Variants in PRDM7 observed in about 807,000 individuals in gnomAD.
PRDM7 encodes PR/SET domain 7.
In PRDM7, 52 loss-of-function variants were observed where a neutral mutation model predicts 64.3. The observed-to-expected ratio is 0.81, with a 90% CI of 0.65 to 1.02. PRDM7 has a LOEUF of 1.02. PRDM7 is among the 50% of genes least tolerant of loss of function. The pLI, the probability that PRDM7 is intolerant of heterozygous loss-of-function variation, is 0.00. For missense variants in PRDM7, 574 were observed against 597.1 expected (o/e 0.96, Z 0.40); for synonymous variants, 192 against 210.1 (o/e 0.91, Z 0.74).
intron 4 of PRDM7, among the ~76,000 whole-genome samples, chr16:90,067,752 A>C (rs2037899468): frequency 1.3e-5 from 2 of 150,418 alleles, no homozygotes; most frequent in African/African-American, 2.5e-5. Context: ...CACCACGCCC[A>C]GCTAATTTTT....
At chr16:90,063,907 A>T in intron 5 of PRDM7, 139 bp from the exon 6 acceptor site, 1 of 1,121,464 alleles carries the variant, frequency 8.9e-7, no homozygotes, top group Non-Finnish European at 1.3e-6. Context: ...GAGGGAAAAG[A>T]CAAGGTCTAA....
intron 10 of PRDM7, among the ~76,000 whole-genome samples, chr16:90,060,041 G>C (rs1339055496): frequency 6.6e-6 from 1 of 152,214 alleles, no homozygotes; most frequent in Admixed American, 6.5e-5. Flanking sequence ...ACCTTGTTGG[G>C]AGAGCTGGTA....
Position 90,058,277 on chromosome 16 carries a change from A to G in PRDM7, c.*12T>C, listed in dbSNP as rs766400590. The G allele has an allele frequency of 9.9e-6, 16 of 1,614,102 alleles. No individual in the cohort carries two copies. In the Admixed American group the frequency reaches 2.2e-4, roughly 22 times the overall value. ...AAGGCCCTTGAAATCTCCCTCTGCC[A>G]TGTCCTTTTATTCAAGAGTTTGGAC... On this transcript the variant is annotated 3_prime_UTR_variant, in exon 11 of 11. Transcript: ENST00000449207.
chr16:90,073,239 A>G (rs745350548), intron 4 of PRDM7, among the ~76,000 whole-genome samples: 16 of 152,128 alleles, frequency 1.1e-4, no homozygotes, highest in Non-Finnish European at 2.1e-4. Flanking sequence ...TCTTTACTTA[A>G]TATTATTTCT....
intron 4 of PRDM7, among the ~76,000 whole-genome samples, chr16:90,073,651 G>A (rs1036326663): frequency 2.0e-5 from 3 of 151,544 alleles, no homozygotes; most frequent in African/African-American, 7.3e-5. Flanking sequence ...CGCCTGCCTC[G>A]GCCTCCCAAA....
At chr16:90,061,627 A>G in intron 8 of PRDM7, 108 bp from the exon 9 acceptor site, 1 of 1,332,970 alleles carries the variant, frequency 7.5e-7, no homozygotes, top group Non-Finnish European at 1.1e-6. Flanking sequence ...TTCAACTGCC[A>G]ACTGAGACCA....
intron 5 of PRDM7, 71 bp downstream of exon 5, chr16:90,066,790 T>C: frequency 7.3e-7 from 1 of 1,374,084 alleles, no homozygotes; most frequent in Admixed American, 1.7e-5. Flanking sequence ...AGTCTGTACA[T>C]TCTCCTTCTC....
chr16:90,067,412 T>C (rs2151309982), intron 4 of PRDM7, among the ~76,000 whole-genome samples: 1 of 151,132 alleles, frequency 6.6e-6, no homozygotes, highest in Non-Finnish European at 1.5e-5. Flanking sequence ...TTTCTTAAGA[T>C]TTAAAAAAAT....
At chr16:90,069,566 A>C (rs963261031) in intron 4 of PRDM7, among the ~76,000 whole-genome samples, 2 of 151,310 alleles carry the variant, frequency 1.3e-5, no homozygotes, top group Middle Eastern at 3.2e-3. Context: ...CACAGTGTCA[A>C]GGCATCCTAC....
chr16:90,063,292 GC>G (rs2037813266), intron 6 of PRDM7, among the ~76,000 whole-genome samples: 1 of 152,068 alleles, frequency 6.6e-6, no homozygotes, highest in Non-Finnish European at 1.5e-5. Flanking sequence ...CTAAAAATCA[GC>G]CGGGCACGGT....
chr16:90,063,018 AC>A lies in PRDM7; in HGVS notation c.509-517del, dbSNP rs529100335. Among the ~76,000 whole-genome samples, 12 of 152,366 alleles carry A rather than the reference AC, an allele frequency of 7.9e-5. No individual in the cohort carries two copies. The East Asian group carries it at 2.3e-3, about 29-fold the overall frequency. On this transcript the variant is annotated intron_variant, in intron 6 of 10. Coordinates refer to ENST00000449207, the MANE Select transcript of PRDM7 (RefSeq NM_001098173.2). ...TTCAAACAATACATGAGCTCTATAT[AC>A]TTGGTCTCATTTTACAGATTACCAT...
In PRDM7 at chr16:90,074,806, G is replaced by A. The variant is rs1463672375; in HGVS notation, c.301+110C>T. ...AGGCAGGAGAATCGCTTGAACCTGGGAGGCAGAGGTTGCCGTGAGCCAAGA... is the reference window on the plus strand; with the variant it reads ...AGGCAGGAGAATCGCTTGAACCTGGAAGGCAGAGGTTGCCGTGAGCCAAGA... On this transcript the variant is annotated intron_variant, in intron 4 of 10. Coordinates refer to ENST00000449207, the MANE Select transcript of PRDM7 (RefSeq NM_001098173.2). 5 of 1,058,104 alleles carry A rather than the reference G, an allele frequency of 4.7e-6. No individual in the cohort carries two copies. The African/African-American group carries it at 6.3e-5, about 13-fold the overall frequency. The allele number at this position is 1,058,104 out of a possible 1,614,324, so 65.5% of individuals were successfully genotyped here.
At chr16:90,059,261 G>A (rs1597680734) in intron 10 of PRDM7, among the ~76,000 whole-genome samples, 1 of 152,214 alleles carries the variant, frequency 6.6e-6, no homozygotes, top group Non-Finnish European at 1.5e-5. Flanking sequence ...TTCTGTTTCA[G>A]ATTCCACAAA....
chr16:90,072,437 G>A (rs540518001), intron 4 of PRDM7, among the ~76,000 whole-genome samples: 2 of 152,272 alleles, frequency 1.3e-5, no homozygotes, highest in African/African-American at 4.8e-5. Flanking sequence ...TGTGACATGG[G>A]TGAATCTTGG....
chr16:90,067,013 G>A (rs2037885519), intron 4 of PRDM7, 103 bp from the exon 5 acceptor site: 1 of 932,336 alleles, frequency 1.1e-6, no homozygotes, highest in South Asian at 1.3e-5. Flanking sequence ...CGCCCAGGCT[G>A]GAGTGCAGTG....
At chr16:90,058,697 C>T (rs1351526563) in intron 10 of PRDM7, among the ~76,000 whole-genome samples, 163 bp from the exon 11 acceptor site, 4 of 152,146 alleles carry the variant, frequency 2.6e-5, no homozygotes. Flanking sequence ...TTTTCCATTC[C>T]ACTTTTATTC....
rs780678724 is a variant in PRDM7 at position 90,075,859 on chromosome 16, TTCTC to T, written c.48_51del (p.Arg17GlnfsTer37). 5 of 1,613,924 alleles carry T rather than the reference TTCTC, an allele frequency of 3.1e-6. No individual in the cohort carries two copies. Among genetic ancestry groups the T allele is most frequent in the Non-Finnish European group, 4.2e-6 (5 of 1,179,982 alleles). ...CTTCTCACCATGGGCTTCCGCTCTG[TTCTC>T]TCTGTGTCTCCTTCTGGGCTCTCCT... On this transcript the variant is annotated frameshift_variant, in exon 2 of 11. Coordinates refer to ENST00000449207, the MANE Select transcript of PRDM7 (RefSeq NM_001098173.2). LOFTEE classifies it high-confidence loss of function. This position sits in a 1 kb window ranked among gnomAD's most constrained non-coding sequence, Gnocchi z 4.3.
At chr16:90,060,883 C>A (rs2037764987) in intron 9 of PRDM7, among the ~76,000 whole-genome samples, 1 of 152,210 alleles carries the variant, frequency 6.6e-6, no homozygotes, top group Non-Finnish European at 1.5e-5. Context: ...GATTAGCTCA[C>A]ATCATTCTAC....
rs200351827 is a variant in PRDM7 at position 90,064,621 on chromosome 16, C to T, written c.352-853G>A. Among the ~76,000 whole-genome samples the T allele has an allele frequency of 1.5e-4, 22 of 143,650 alleles. No individual in the cohort carries two copies. The East Asian group carries it at 3.7e-3, about 24-fold the overall frequency. The allele number at this position is 143,650 out of a possible 152,430, so 94.2% of individuals were successfully genotyped here. A position where few individuals can be genotyped will look rare whatever the true frequency, so the allele number is the denominator to read the frequency against. ...TAGAGACGGGGTTTCGCTAGTTTGGCCAGGCTGGTCTAGAACTCCTCACCT... is the reference window on the plus strand; with the variant it reads ...TAGAGACGGGGTTTCGCTAGTTTGGTCAGGCTGGTCTAGAACTCCTCACCT... On this transcript the variant is annotated intron_variant, in intron 5 of 10. Coordinates refer to ENST00000449207, the MANE Select transcript of PRDM7 (RefSeq NM_001098173.2).
Sources: gnomAD v4.1 joint callset for allele counts (sites outside exome capture counted in the v4.1 genomes callset) on GRCh38, gnomAD v4.1.1 for gene constraint, Gnocchi (gnomAD v3.1) non-coding constraint, MANE v1.5 for transcripts, NCBI Gene and HGNC (gene_info 2026-07-23, HGNC 2026-07-21) for gene names.